Variants in NRXN3 observed in about 807,000 individuals in gnomAD.
The protein encoded by NRXN3 is neurexin 3.
NRXN3 carries 32 observed loss-of-function variants against 137.6 expected under a neutral mutation model. That is an observed-to-expected ratio of 0.23 (90% CI 0.18 to 0.31). NRXN3 has a LOEUF of 0.31. Among genes scored for constraint, NRXN3 ranks in the 10% least tolerant of loss-of-function variants. The pLI is 1.00. For missense variants in NRXN3, 1,574 were observed against 2,062.5 expected, an observed-to-expected ratio of 0.76 and a Z score of 4.59; for synonymous variants, 798 against 784.5, an observed-to-expected ratio of 1.02 and a Z score of -0.29.
chr14:78,570,751 T>C (rs1365847638), intron 4 of NRXN3, among the ~76,000 whole-genome samples: 1 of 152,192 alleles, frequency 6.6e-6, no homozygotes, highest in African/African-American at 2.4e-5. Flanking sequence ...AAAGCGTAAT[T>C]TACAATTTGA....
At position 78,764,692 on chromosome 14, in the gene NRXN3, G is replaced by A. The variant is rs1013830587; in HGVS notation, c.2045-38928G>A. On this transcript the variant is annotated intron_variant, in intron 8 of 20. Transcript: ENST00000335750. ...AGTTGGAAATAAGTGGTGAAAAGCA[G>A]CTTAGCAGAGGGGAAATGCGTGGTC... 4.6e-4 allele frequency among the ~76,000 whole-genome samples: 70 copies of A among 152,314 alleles called. 1 individual carries two copies. Among genetic ancestry groups the A allele is most frequent in the African/African-American group, 1.6e-3 (68 of 41,560 alleles).
intron 4 of NRXN3, among the ~76,000 whole-genome samples, chr14:78,388,072 G>A (rs1336807441): frequency 6.6e-6 from 1 of 152,142 alleles, no homozygotes; most frequent in Non-Finnish European, 1.5e-5. Context: ...CCTAATTTGT[G>A]TCAGCCCCAG....
chr14:79,450,861 G>T (rs1239561524), intron 15 of NRXN3, among the ~76,000 whole-genome samples: 1 of 149,628 alleles, frequency 6.7e-6, no homozygotes, highest in Non-Finnish European at 1.5e-5. Flanking sequence ...GTGAGACTCT[G>T]TCTCAAAAAA....
At chr14:79,560,751 G>A (rs994221647) in intron 16 of NRXN3, among the ~76,000 whole-genome samples, 59 of 151,934 alleles carry the variant, frequency 3.9e-4, no homozygotes, top group African/African-American at 1.4e-3. Flanking sequence ...ATGTTGGCCA[G>A]GCTGGTCTTG....
At chr14:79,016,367 C>G (rs2152421165) in intron 15 of NRXN3, among the ~76,000 whole-genome samples, 1 of 152,006 alleles carries the variant, frequency 6.6e-6, no homozygotes, top group East Asian at 1.9e-4. Context: ...TCTCCAGGCT[C>G]AAAAAAAGCA....
At chr14:78,852,998 T>C (rs1042604080) in intron 10 of NRXN3, among the ~76,000 whole-genome samples, 6 of 152,148 alleles carry the variant, frequency 3.9e-5, no homozygotes, top group Non-Finnish European at 8.8e-5. Context: ...TCCATCCATA[T>C]TGATGCAAAT....
chr14:79,410,691 A>G (rs897815709), intron 15 of NRXN3, among the ~76,000 whole-genome samples: 8 of 152,112 alleles, frequency 5.3e-5, no homozygotes, highest in South Asian at 2.1e-4. Context: ...CCCAGTAACA[A>G]TGCAAAGTTT....
chr14:79,539,111 G>A lies in NRXN3; in HGVS notation c.3444+71709G>A, dbSNP rs2097246085. Among the ~76,000 whole-genome samples, 3 of 152,282 alleles carry A rather than the reference G, an allele frequency of 2.0e-5. No homozygotes were observed. In the South Asian group the frequency reaches 6.2e-4, roughly 32 times the overall value. On this transcript the variant is annotated intron_variant, in intron 16 of 20. Coordinates refer to ENST00000335750, the MANE Select transcript of NRXN3 (RefSeq NM_001330195.2). Reference sequence around the variant, plus strand: ...GTCTTGCTCTGTCACCCAGCCTGGAGTGCAGTGGCACGATCTTGGCTCACT... The same window carrying A: ...GTCTTGCTCTGTCACCCAGCCTGGAATGCAGTGGCACGATCTTGGCTCACT...
intron 16 of NRXN3, among the ~76,000 whole-genome samples, chr14:79,489,629 T>G (rs886681778): frequency 1.3e-5 from 2 of 152,178 alleles, no homozygotes; most frequent in African/African-American, 4.8e-5. Context: ...TTTATTATAT[T>G]TTACATAATT....
chr14:79,753,100 G>A (rs1019968445), intron 19 of NRXN3, among the ~76,000 whole-genome samples: 2 of 151,572 alleles, frequency 1.3e-5, no homozygotes, highest in African/African-American at 2.4e-5. Context: ...GGAGAAATAG[G>A]AACACTTTTA....
intron 4 of NRXN3, among the ~76,000 whole-genome samples, chr14:78,581,030 A>G (rs1483398441): frequency 6.6e-6 from 1 of 152,244 alleles, no homozygotes; most frequent in Non-Finnish European, 1.5e-5. Context: ...CAGGTACTCT[A>G]TAATGGAAGG....
chr14:78,836,076 G>A (rs2098995959), intron 10 of NRXN3, among the ~76,000 whole-genome samples: 2 of 152,080 alleles, frequency 1.3e-5, no homozygotes, highest in African/African-American at 4.8e-5. Context: ...AGAATACACT[G>A]AATCAATTTT....
chr14:78,414,618 C>A (rs2093026371), intron 4 of NRXN3, among the ~76,000 whole-genome samples: 1 of 152,146 alleles, frequency 6.6e-6, no homozygotes, highest in African/African-American at 2.4e-5. Context: ...CTTGTATTAC[C>A]AGATCTATTC....
chr14:79,368,327 A>G (rs1241191958), intron 15 of NRXN3, among the ~76,000 whole-genome samples: 1 of 152,220 alleles, frequency 6.6e-6, no homozygotes, highest in African/African-American at 2.4e-5. Flanking sequence ...AGCTTCTGAA[A>G]TGAACTAACA....
intron 10 of NRXN3, among the ~76,000 whole-genome samples, chr14:78,892,774 C>CTGTG (rs58718552): frequency 0.043 from 5,968 of 140,086 alleles, 162 homozygotes; most frequent in African/African-American, 0.075. Flanking sequence ...CCCCCATCTT[C>CTGTG]TGTGTGTGTG....
chr14:79,603,006 C>T (rs1026131936), intron 16 of NRXN3, among the ~76,000 whole-genome samples: 2 of 152,162 alleles, frequency 1.3e-5, no homozygotes, highest in East Asian at 3.9e-4. Context: ...ACTCATCTCT[C>T]ACCTCTCAAC....
intron 4 of NRXN3, among the ~76,000 whole-genome samples, chr14:78,407,080 T>A (rs2092533884): frequency 6.6e-6 from 1 of 152,166 alleles, no homozygotes; most frequent in African/African-American, 2.4e-5. Context: ...ACATTTGTTG[T>A]TTCACTAACT....
intron 15 of NRXN3, among the ~76,000 whole-genome samples, chr14:78,999,242 T>A (rs1297332286): frequency 4.6e-5 from 7 of 152,188 alleles, no homozygotes; most frequent in Non-Finnish European, 8.8e-5. Flanking sequence ...CTTGCATTAT[T>A]GGTACCTTTG....
rs996223237 is a variant in NRXN3, at chr14:79,647,491, C to G, written c.3445-16287C>G. ...TCCTACTGTTTATTGGCTAAGTGTA[C>G]ATTTCCTATTGGTATGTTTCTGAGT... On this transcript the variant is annotated intron_variant, in intron 16 of 20. Transcript: ENST00000335750. 1.2e-4 allele frequency among the ~76,000 whole-genome samples: 16 copies of G among 135,894 alleles called. 1 individual carries two copies. The highest frequency in any genetic ancestry group is 3.4e-4 in the African/African-American group (14 of 40,794). 89.2% of individuals were successfully genotyped at this position (135,894 alleles called of 152,430 possible).
Sources: allele counts gnomAD v4.1 joint callset (sites outside exome capture counted in the v4.1 genomes callset), GRCh38; gene constraint gnomAD v4.1.1; transcripts MANE v1.5; gene names NCBI Gene and HGNC (gene_info 2026-07-23, HGNC 2026-07-21).